The following KIAA1755 variants were observed in gnomAD, a reference collection of about 807,000 sequenced individuals.
KIAA1755 encodes the protein KIAA1755.
KIAA1755 carries 68 observed loss-of-function variants against 91.7 expected under a neutral mutation model. That is an observed-to-expected ratio of 0.74 (90% CI 0.61 to 0.91). The LOEUF (loss-of-function observed/expected upper bound fraction) is 0.91, where lower values mean the gene tolerates loss of function less well. Ranked by LOEUF, KIAA1755 falls within the 40% of genes least tolerant of loss-of-function variation. KIAA1755 has a pLI of 0.00. For synonymous variants in KIAA1755, 610 were observed against 604.6 expected, an observed-to-expected ratio of 1.01 and a Z score of -0.13; for missense variants, 1,535 against 1,494.4, an observed-to-expected ratio of 1.03 and a Z score of -0.45.
At chr20:38,237,586 G>T (rs1025199493) in intron 4 of KIAA1755, among the ~76,000 whole-genome samples, 1 of 152,094 alleles carries the variant, frequency 6.6e-6, no homozygotes, top group African/African-American at 2.4e-5. Context: ...TAATGATGGG[G>T]AAGGGATGTG....
chr20:38,217,291 G>C lies in KIAA1755; in HGVS notation c.2863C>G (p.Leu955Val), dbSNP rs1275710461. The change falls in exon 13 of 14, where the codon CTC (leucine) becomes GTC (valine). Residue 955 changes from leucine (L) to valine (V), a missense_variant. Physicochemically the swap from Leu to Val is conservative, Grantham distance 32. Transcript: ENST00000279024. ...CGGTGCAGGTGGAGCAGCGTCTCGA[G>C]GTCCGTGCGTTGCCGCTCGGCCGCC... ...YMAAERQRTDLETLLHLHRFC... is the reference protein window; with the variant it reads ...YMAAERQRTDVETLLHLHRFC... 8 of 1,607,474 alleles carry C rather than the reference G, an allele frequency of 5.0e-6. No homozygotes were observed. The highest frequency in any genetic ancestry group is 6.8e-6 in the Non-Finnish European group (8 of 1,177,698).
At chr20:38,222,910 A>G in intron 9 of KIAA1755, 1 of 444,622 alleles carries the variant, frequency 2.2e-6, no homozygotes, top group South Asian at 2.2e-5. Flanking sequence ...TCAAAGTGCA[A>G]ATCTGATAAC....
intron 12 of KIAA1755, 39 bp downstream of exon 12, chr20:38,218,205 A>T: frequency 1.2e-6 from 2 of 1,613,180 alleles, no homozygotes; most frequent in Non-Finnish European, 1.7e-6. Flanking sequence ...CGCCCTCTCC[A>T]TCTGCTCCAG....
At chr20:38,221,576 T>A (rs1032054969) in intron 10 of KIAA1755, among the ~76,000 whole-genome samples, 28 of 152,218 alleles carry the variant, frequency 1.8e-4, no homozygotes, top group Middle Eastern at 3.4e-3. Flanking sequence ...TCACTTACCT[T>A]CTCTGAGCCT....
intron 7 of KIAA1755, among the ~76,000 whole-genome samples, chr20:38,226,448 C>T (rs146352289): frequency 4.2e-4 from 64 of 152,254 alleles, no homozygotes; most frequent in African/African-American, 1.5e-3. Context: ...GTCCCAGGAC[C>T]CACCCAGAAC....
At chr20:38,216,120 C>T (rs1401182463) in intron 13 of KIAA1755, among the ~76,000 whole-genome samples, 1 of 152,188 alleles carries the variant, frequency 6.6e-6, no homozygotes, top group African/African-American at 2.4e-5. Flanking sequence ...AACTACACGG[C>T]CATTAACTAT....
intron 1 of KIAA1755, among the ~76,000 whole-genome samples, chr20:38,254,090 G>T (rs2123335196): frequency 6.6e-6 from 1 of 152,214 alleles, no homozygotes; most frequent in East Asian, 1.9e-4. Flanking sequence ...TCATCATGTT[G>T]GCCAGGCTGG....
chr20:38,226,282 A>T (rs1050114116), intron 7 of KIAA1755, among the ~76,000 whole-genome samples: 1 of 152,170 alleles, frequency 6.6e-6, no homozygotes, highest in African/African-American at 2.4e-5. Context: ...CAGGCAGAGA[A>T]ATTTGAGGTT....
In KIAA1755 at chr20:38,241,667, CT is replaced by C. The variant is rs2047061617; in HGVS notation, c.463del (p.Ser155ValfsTer13). 2 of 1,614,210 alleles carry C rather than the reference CT, an allele frequency of 1.2e-6. No homozygotes were observed. Among genetic ancestry groups the C allele is most frequent in the Non-Finnish European group, 1.7e-6 (2 of 1,180,032 alleles). On this transcript the variant is annotated frameshift_variant, in exon 3 of 14. Coordinates refer to ENST00000279024, the MANE Select transcript of KIAA1755 (RefSeq NM_001029864.2). LOFTEE classifies it high-confidence loss of function. The stretch of plus-strand genomic sequence containing the variant: ...GTGTAGGGGATTTCCCTCAAAGTCA[CT>C]GTTGATGGCCTCCAGCCATTCTTGG... ...FTQEWLEAIN[S>X]DFEGNPLHNC...
In KIAA1755 at chr20:38,239,585, G is replaced by A. The variant is rs566445543; in HGVS notation, c.1690C>T (p.Pro564Ser). Reference sequence around the variant, plus strand: ...TTGACACCTAGAGCCCCAATCCTGGGCTCAGGCCCTGGGGGCTCCTCCTCC... The same window carrying A: ...TTGACACCTAGAGCCCCAATCCTGGACTCAGGCCCTGGGGGCTCCTCCTCC... ...TLEEEPPGPE[P>S]RIGALGVKVF... is the part of the protein sequence containing the mutation. The change falls in exon 4 of 14, where the codon CCC becomes TCC. Residue 564 changes from proline to serine, a missense_variant. Pro to Ser is a moderately conservative substitution (Grantham distance 74). Coordinates refer to ENST00000279024, the MANE Select transcript of KIAA1755 (RefSeq NM_001029864.2). 4 of 1,611,280 alleles carry A rather than the reference G, an allele frequency of 2.5e-6. No homozygotes were observed. Among genetic ancestry groups the A allele is most frequent in the Non-Finnish European group, 3.4e-6 (4 of 1,179,062 alleles).
intron 1 of KIAA1755, among the ~76,000 whole-genome samples, chr20:38,250,351 G>A (rs893482318): frequency 6.6e-6 from 1 of 152,150 alleles, no homozygotes; most frequent in Admixed American, 6.5e-5. Flanking sequence ...CCCACCTTAA[G>A]GAGTTGATCA....
chr20:38,230,976 G>A (rs959459099), intron 5 of KIAA1755, among the ~76,000 whole-genome samples: 1 of 152,038 alleles, frequency 6.6e-6, no homozygotes, highest in Admixed American at 6.5e-5. Flanking sequence ...TCTTGGCCAT[G>A]GTTTGTTTCT....
rs1324710254 is a variant in KIAA1755, at chr20:38,213,696, C to G, written c.2949G>C (p.Arg983Ser). The G allele has an allele frequency of 2.6e-6, 4 of 1,544,246 alleles. No individual in the cohort carries two copies. The highest frequency in any genetic ancestry group is 2.7e-5 in the African/African-American group (2 of 73,050). ...MDCQDLMAQL[R>S]LDKTSRVSPG... ...GACTGACCCTTGAGGTCTTGTCCAG[C>G]CTGAGCTGGGCCATCAGGTCCTGAC... Residue 983 changes from arginine (R) to serine (S), a missense_variant, in exon 14 of 14, where the codon AGG becomes AGC. Physicochemically the swap from Arg to Ser is moderately radical, Grantham distance 110. Transcript: ENST00000279024.
At position 38,252,527 on chromosome 20, in the gene KIAA1755, A is replaced by G. The variant is rs1335381936; in HGVS notation, c.4-6401T>C. On this transcript the variant is annotated intron_variant, in intron 1 of 13. Coordinates refer to ENST00000279024, the MANE Select transcript of KIAA1755 (RefSeq NM_001029864.2). ...GAAGAGAAAGACAGAGCCAGGATCC[A>G]ATCCAGATTGGGGCCTGCCAAGTCT... Among the ~76,000 whole-genome samples, 4 of 152,186 alleles carry G rather than the reference A, an allele frequency of 2.6e-5. No individual in the cohort carries two copies. In the East Asian group the frequency reaches 7.7e-4, roughly 29 times the overall value.
intron 1 of KIAA1755, among the ~76,000 whole-genome samples, chr20:38,246,545 A>C (rs554354385): frequency 6.6e-6 from 1 of 152,224 alleles, no homozygotes; most frequent in Non-Finnish European, 1.5e-5. Context: ...GCAGGCCTGC[A>C]GCCTGAAGCT....
intron 10 of KIAA1755, 83 bp downstream of exon 10, chr20:38,222,366 G>T: frequency 1.4e-6 from 2 of 1,453,610 alleles, no homozygotes; most frequent in African/African-American, 1.4e-5. Flanking sequence ...AGCTATGTGT[G>T]CCCTAGGTGG....
Position 38,241,104 on chromosome 20 carries a change from A to G in KIAA1755, c.1027T>C (p.Ser343Pro), listed in dbSNP as rs904916308. 1.9e-6 allele frequency: 3 copies of G among 1,614,046 alleles called. No homozygotes were observed. Among genetic ancestry groups the G allele is most frequent in the Non-Finnish European group, 2.5e-6 (3 of 1,179,976 alleles). ...CCCAAATTATAGGGCCTCTCCTCAG[A>G]GCTTTCTGGCTTTGTGCAAGCCCGA... ...GNRACTKPES[S>P]EERPYNLGFR... Residue 343 changes from serine (S) to proline (P), a missense_variant, in exon 3 of 14, where the codon TCT (serine) becomes CCT (proline). Coordinates refer to ENST00000279024, the MANE Select transcript of KIAA1755 (RefSeq NM_001029864.2).
rs746521837 is a variant in KIAA1755, at chr20:38,260,521, G to T, written c.-21C>A. ...ACCATGGTGACGGGCTGCCAGCGGCGGGCGGCGCGGCTCCTCTCCTGGGCG... is the reference window on the plus strand; with the variant it reads ...ACCATGGTGACGGGCTGCCAGCGGCTGGCGGCGCGGCTCCTCTCCTGGGCG... On this transcript the variant is annotated 5_prime_UTR_variant, in exon 1 of 14. Coordinates refer to ENST00000279024, the MANE Select transcript of KIAA1755 (RefSeq NM_001029864.2). 6.8e-7 allele frequency: 1 copy of T among 1,481,342 alleles called. No individual in the cohort carries two copies. Among genetic ancestry groups the T allele is most frequent in the Non-Finnish European group, 8.9e-7 (1 of 1,118,406 alleles). The allele number at this position is 1,481,342 out of a possible 1,614,324, so 91.8% of individuals were successfully genotyped here.
At chr20:38,253,239 G>A (rs1452341475) in intron 1 of KIAA1755, among the ~76,000 whole-genome samples, 1 of 152,202 alleles carries the variant, frequency 6.6e-6, no homozygotes, top group African/African-American at 2.4e-5. Flanking sequence ...CCATGCTCAC[G>A]ACCTTCTGGA....
Sources: allele counts gnomAD v4.1 joint callset (sites outside exome capture counted in the v4.1 genomes callset), GRCh38; gene constraint gnomAD v4.1.1; transcripts MANE v1.5; gene names NCBI Gene and HGNC (gene_info 2026-07-23, HGNC 2026-07-21).